Variants in MYO15A observed in about 807,000 individuals in gnomAD.
The protein encoded by MYO15A is unconventional myosin-XV.
In MYO15A, 308 loss-of-function variants were observed where a neutral mutation model predicts 394.6. That is an observed-to-expected ratio of 0.78 (90% CI 0.71 to 0.86). The LOEUF (loss-of-function observed/expected upper bound fraction) is 0.86. Among genes scored for constraint, MYO15A ranks in the 40% least tolerant of loss-of-function variants. The pLI is 0.00. For missense variants in MYO15A, 4,606 were observed against 4,799.1 expected, an observed-to-expected ratio of 0.96 and a Z score of 1.19; for synonymous variants, 1,957 against 2,003.8, an observed-to-expected ratio of 0.98 and a Z score of 0.62.
At chr17:18,124,047 G>A (rs9889456) in intron 2 of MYO15A, 153 of 242,298 alleles carry the variant, frequency 6.3e-4, no homozygotes, top group African/African-American at 3.4e-3. Context: ...GGATGAGCAT[G>A]GGGTTGTGGT....
chr17:18,124,999 A>G, intron 3 of MYO15A, 169 bp from the exon 4 acceptor site: 1 of 689,130 alleles, frequency 1.5e-6, no homozygotes, highest in Non-Finnish European at 2.6e-6. Flanking sequence ...ATGAAGAAAA[A>G]GGCACAGAAT....
In MYO15A at chr17:18,122,053, C is replaced by T. The variant is rs1370395070; in HGVS notation, c.3253C>T (p.Pro1085Ser). The change falls in exon 2 of 66, where the codon CCC becomes TCC. Residue 1085 changes from proline to serine, a missense_variant. Transcript: ENST00000647165. Reference protein sequence around the residue: ...WPPWHRWGTLPQAAAPLAPIR... With the variant: ...WPPWHRWGTLSQAAAPLAPIR... ...ACCATGGCACCGCTGGGGAACACTGCCCCAAGCCGCAGCCCCCTTGGCGCC... is the reference window on the plus strand; with the variant it reads ...ACCATGGCACCGCTGGGGAACACTGTCCCAAGCCGCAGCCCCCTTGGCGCC... 3 of 1,612,954 alleles carry T rather than the reference C, an allele frequency of 1.9e-6. No individual in the cohort carries two copies. Among genetic ancestry groups the T allele is most frequent in the Admixed American group, 1.7e-5 (1 of 60,034 alleles).
At chr17:18,136,090 T>C (rs767450206) in intron 13 of MYO15A, among the ~76,000 whole-genome samples, 10 of 152,182 alleles carry the variant, frequency 6.6e-5, no homozygotes, top group Non-Finnish European at 1.2e-4. Flanking sequence ...TATCCCCTCC[T>C]CTAAGAAGCC....
At chr17:18,168,299 C>T (rs1053116700) in intron 62 of MYO15A, among the ~76,000 whole-genome samples, 7 of 152,020 alleles carry the variant, frequency 4.6e-5, no homozygotes, top group African/African-American at 9.7e-5. Flanking sequence ...GGCGCGGTCG[C>T]TCATGCCTGT....
At chr17:18,169,466 A>G (rs939261823) in intron 62 of MYO15A, 2 of 149,584 alleles carry the variant, frequency 1.3e-5, no homozygotes, top group Admixed American at 6.7e-5. Context: ...AATAATAATA[A>G]TAATAATAAT....
In MYO15A at chr17:18,150,553, TC is replaced by T; in HGVS notation, c.7327+14del. 1 of 1,613,900 alleles carries T rather than the reference TC, an allele frequency of 6.2e-7. No homozygotes were observed. Among genetic ancestry groups the T allele is most frequent in the Non-Finnish European group, 8.5e-7 (1 of 1,179,842 alleles). On this transcript the variant is annotated intron_variant, in intron 36 of 65. Coordinates refer to ENST00000647165, the MANE Select transcript of MYO15A (RefSeq NM_016239.4). This position sits in a 1 kb window ranked among gnomAD's most constrained non-coding sequence, Gnocchi z 4.4. ...CCAGAGCCAAAGCCAAGTCAGTGCC[TC>T]CCCAGGGTGGTTCCAGGGTTGGGCA...
Position 18,156,306 on chromosome 17 carries a change from G to C in MYO15A, c.8571G>C (p.Leu2857=). Residue 2857 remains leucine (L), a synonymous_variant, in exon 48 of 66, where the codon CTG becomes CTC. Transcript: ENST00000647165. ...FSARAHQVKT[L]VDDFILELKK... ...CCCGAGCGCACCAGGTCAAGACCCT[G>C]GTAGATGACTTCATCTTGGAGCTGA... is the stretch of plus-strand genomic sequence containing the variant. The C allele has an allele frequency of 6.2e-7, 1 of 1,614,162 alleles. No individual in the cohort carries two copies. The highest frequency in any genetic ancestry group is 8.5e-7 in the Non-Finnish European group (1 of 1,180,040).
intron 2 of MYO15A, chr17:18,123,805 A>C: frequency 6.4e-6 from 1 of 156,830 alleles, no homozygotes; most frequent in Admixed American, 6.0e-5. Flanking sequence ...TGGCATCAGG[A>C]CTTCCATTCA....
At chr17:18,125,013 G>A (rs1206257755) in intron 3 of MYO15A, 155 bp from the exon 4 acceptor site, 1 of 743,726 alleles carries the variant, frequency 1.3e-6, no homozygotes, top group Non-Finnish European at 2.4e-6. Context: ...ACAGAATAGG[G>A]AAGTAATTTG....
chr17:18,136,821 T>C (rs1399049815), intron 15 of MYO15A, 135 bp downstream of exon 15: 1 of 1,280,472 alleles, frequency 7.8e-7, no homozygotes, highest in East Asian at 2.5e-5. Context: ...CCCCTCCCTG[T>C]CACCATCTCC....
chr17:18,168,551 G>C (rs1478648281), intron 62 of MYO15A, among the ~76,000 whole-genome samples: 1 of 148,318 alleles, frequency 6.7e-6, no homozygotes, highest in East Asian at 2.0e-4. Flanking sequence ...CGGGGTGACA[G>C]AGCAAGACTC....
At chr17:18,170,355 T>C (rs1282371013) in intron 62 of MYO15A, among the ~76,000 whole-genome samples, 2 of 151,240 alleles carry the variant, frequency 1.3e-5, no homozygotes, top group Non-Finnish European at 2.9e-5. Flanking sequence ...TTTTATTTTA[T>C]TTTATTTTAT....
chr17:18,113,190 T>G (rs1407831673), intron 1 of MYO15A, among the ~76,000 whole-genome samples: 4 of 152,084 alleles, frequency 2.6e-5, no homozygotes, highest in Non-Finnish European at 4.4e-5. Context: ...TCTTGCTCTG[T>G]GTCAGAGGCT....
In MYO15A at chr17:18,175,393, C is replaced by T. The variant is rs534380385; in HGVS notation, c.10491+1472C>T. The stretch of plus-strand genomic sequence containing the variant: ...GCAACCTCCACCTCCTGGGTTCAAG[C>T]GATAATCCCACCTCAGCCTCCCAAG... On this transcript the variant is annotated intron_variant, in intron 65 of 65. Transcript: ENST00000647165. 8.6e-5 allele frequency among the ~76,000 whole-genome samples: 13 copies of T among 151,150 alleles called. No individual in the cohort carries two copies. In the East Asian group the frequency reaches 2.1e-3, roughly 25 times the overall value.
Position 18,155,280 on chromosome 17 carries a change from G to A in MYO15A, c.8341-34G>A, listed in dbSNP as rs201204084. 29 of 1,613,660 alleles carry A rather than the reference G, an allele frequency of 1.8e-5. No homozygotes were observed. In the Admixed American group the frequency reaches 2.8e-4, roughly 16 times the overall value. On this transcript the variant is annotated intron_variant, in intron 46 of 65. Coordinates refer to ENST00000647165, the MANE Select transcript of MYO15A (RefSeq NM_016239.4). ...TCCAGAGGATTCAGGGATGAGACAA[G>A]AGGATCCTCACACGCCCTTCATCTC... is the stretch of plus-strand genomic sequence containing the variant.
intron 60 of MYO15A, 30 bp from the exon 61 acceptor site, chr17:18,166,331 C>T (rs1322361566): frequency 3.7e-6 from 6 of 1,607,794 alleles, no homozygotes; most frequent in Non-Finnish European, 5.1e-6. Flanking sequence ...CACATGCCCC[C>T]ACCCAGCCCT....
chr17:18,120,781 C>A lies in MYO15A; in HGVS notation c.1981C>A (p.Leu661Met), dbSNP rs1009513538. Residue 661 changes from leucine (L) to methionine (M), a missense_variant, in exon 2 of 66, where the codon CTG becomes ATG. Transcript: ENST00000647165. ...PRTLSHWSALLSPPVPPRPPS... is the reference protein window; with the variant it reads ...PRTLSHWSALMSPPVPPRPPS... ...GACCCTCTCCCACTGGAGCGCGCTC[C>A]TGTCTCCGCCCGTGCCCCCGCGGCC... The A allele has an allele frequency of 1.4e-6, 2 of 1,385,902 alleles. No homozygotes were observed. Among genetic ancestry groups the A allele is most frequent in the African/African-American group, 1.5e-5 (1 of 64,550 alleles). The allele number at this position is 1,385,902 out of a possible 1,614,324, so 85.9% of individuals were successfully genotyped here. A position where few individuals can be genotyped will look rare whatever the true frequency, so the allele number is the denominator to read the frequency against.
intron 3 of MYO15A, 121 bp downstream of exon 3, chr17:18,124,686 A>C: frequency 1.1e-6 from 1 of 941,420 alleles, no homozygotes; most frequent in Non-Finnish European, 1.6e-6. Flanking sequence ...AGCCTCAGTC[A>C]TGAAGTGTCA....
intron 59 of MYO15A, 52 bp downstream of exon 59, chr17:18,163,373 G>T (rs761749039): frequency 4.4e-6 from 7 of 1,573,512 alleles, no homozygotes; most frequent in Middle Eastern, 1.7e-4. Flanking sequence ...CAGGGACAAG[G>T]ACAGCCCAGG....
Sources: allele counts gnomAD v4.1 joint callset (sites outside exome capture counted in the v4.1 genomes callset), GRCh38; gene constraint gnomAD v4.1.1; non-coding constraint Gnocchi (gnomAD v3.1); transcripts MANE v1.5; gene names NCBI Gene and HGNC (gene_info 2026-07-23, HGNC 2026-07-21).